The following ADAMTSL1 variants were observed in gnomAD, a reference collection of about 807,000 sequenced individuals.
ADAMTSL1 encodes ADAMTS-like protein 1.
ADAMTSL1 carries 126 observed loss-of-function variants against 201.8 expected under a neutral mutation model. The ratio of observed to expected loss-of-function variants is 0.62; its 90% CI spans 0.54 to 0.72. ADAMTSL1 has a LOEUF of 0.72. Ranked by LOEUF, ADAMTSL1 falls within the 30% of genes least tolerant of loss-of-function variation. The pLI, the probability that ADAMTSL1 is intolerant of heterozygous loss-of-function variation, is 0.00. For missense variants in ADAMTSL1, 2,679 were observed against 2,277.8 expected (o/e 1.18, Z -3.59); for synonymous variants, 1,121 against 903.4 (o/e 1.24, Z -4.32).
At chr9:17,942,179 A>T (rs1281763650) in intron 1 of ADAMTSL1, among the ~76,000 whole-genome samples, 1 of 152,132 alleles carries the variant, frequency 6.6e-6, no homozygotes, top group East Asian at 1.9e-4. Flanking sequence ...TTTGTTGGGT[A>T]CTGAGTGTCT....
At position 18,663,317 on chromosome 9, in the gene ADAMTSL1, T is replaced by C. The variant is rs557176364; in HGVS notation, c.1085+1244T>C. On this transcript the variant is annotated intron_variant, in intron 9 of 28. Coordinates refer to ENST00000380548, the MANE Select transcript of ADAMTSL1 (RefSeq NM_001040272.6). ...ATTAAAAGAACAAAAAGAATAGATA[T>C]TTTATAATTGTAAAATTTAGGTGAA... 2.2e-4 allele frequency among the ~76,000 whole-genome samples: 33 copies of C among 152,254 alleles called. No homozygotes were observed. The South Asian group carries it at 6.2e-3, about 29-fold the overall frequency.
intron 2 of ADAMTSL1, among the ~76,000 whole-genome samples, chr9:18,290,290 T>TTTC (rs998279966): frequency 6.6e-6 from 1 of 151,390 alleles, no homozygotes; most frequent in Non-Finnish European, 1.5e-5. Flanking sequence ...GATTTTTTTT[T>TTTC]TTTTCTAGTG....
chr9:17,938,621 G>A (rs1827107780), intron 1 of ADAMTSL1, among the ~76,000 whole-genome samples: 2 of 152,150 alleles, frequency 1.3e-5, no homozygotes, highest in Admixed American at 1.3e-4. Flanking sequence ...ACTGCAGAAA[G>A]TTGTCAGCTG....
At chr9:17,985,839 G>A (rs1818907361) in intron 1 of ADAMTSL1, among the ~76,000 whole-genome samples, 1 of 152,076 alleles carries the variant, frequency 6.6e-6, no homozygotes, top group South Asian at 2.1e-4. Context: ...AGTATGAATT[G>A]TAGGCACAAA....
intron 23 of ADAMTSL1, among the ~76,000 whole-genome samples, chr9:18,874,802 C>T (rs1245792361): frequency 6.6e-6 from 1 of 151,834 alleles, no homozygotes; most frequent in African/African-American, 2.4e-5. Flanking sequence ...GGGAGGACTC[C>T]CTCTTCTCTT....
intron 26 of ADAMTSL1, 25 bp downstream of exon 26, chr9:18,892,621 T>A (rs184908418): frequency 6.5e-7 from 1 of 1,548,770 alleles, no homozygotes; most frequent in Non-Finnish European, 8.7e-7. Flanking sequence ...AGGTTGTTAT[T>A]TGAAAGCTAA....
intron 2 of ADAMTSL1, among the ~76,000 whole-genome samples, chr9:18,187,998 A>G (rs761614396): frequency 7.2e-5 from 11 of 152,244 alleles, no homozygotes; most frequent in Admixed American, 3.3e-4. Flanking sequence ...GGTACTGTAG[A>G]GTGTGAAAAA....
intron 1 of ADAMTSL1, among the ~76,000 whole-genome samples, chr9:18,037,381 G>A (rs1393085360): frequency 6.6e-6 from 1 of 152,114 alleles, no homozygotes; most frequent in East Asian, 1.9e-4. Context: ...GGACTACTTA[G>A]TACTTTAGAG....
At chr9:18,534,790 G>T (rs1193260878) in intron 3 of ADAMTSL1, among the ~76,000 whole-genome samples, 1 of 152,206 alleles carries the variant, frequency 6.6e-6, no homozygotes, top group Non-Finnish European at 1.5e-5. Context: ...CTTGGGGCTT[G>T]CACCCCCTAA....
intron 1 of ADAMTSL1, among the ~76,000 whole-genome samples, chr9:18,158,570 T>C (rs1216491155): frequency 6.6e-6 from 1 of 152,054 alleles, no homozygotes; most frequent in African/African-American, 2.4e-5. Context: ...CCCTTGTTTA[T>C]CACAAGTGAA....
intron 3 of ADAMTSL1, among the ~76,000 whole-genome samples, chr9:18,558,467 C>T (rs551778091): frequency 6.6e-6 from 1 of 152,308 alleles, no homozygotes; most frequent in East Asian, 1.9e-4. Context: ...CTGGAATAAA[C>T]ATATGTGTGC....
At chr9:18,006,546 G>A (rs1381455668) in intron 1 of ADAMTSL1, among the ~76,000 whole-genome samples, 1 of 151,922 alleles carries the variant, frequency 6.6e-6, no homozygotes, top group Non-Finnish European at 1.5e-5. Context: ...ATAAATTGAT[G>A]AATAAAATAA....
chr9:18,086,427 A>T (rs1823773343), intron 1 of ADAMTSL1, among the ~76,000 whole-genome samples: 1 of 152,134 alleles, frequency 6.6e-6, no homozygotes, highest in Admixed American at 6.5e-5. Flanking sequence ...AGCAAAATAA[A>T]CAGCCAAAAT....
chr9:18,767,463 T>C (rs1482071645), intron 16 of ADAMTSL1, among the ~76,000 whole-genome samples: 1 of 152,172 alleles, frequency 6.6e-6, no homozygotes, highest in East Asian at 1.9e-4. Flanking sequence ...CTGATCTGAT[T>C]ATAGTATAAC....
Position 18,622,250 on chromosome 9 carries a change from G to A in ADAMTSL1, c.482G>A (p.Gly161Asp), listed in dbSNP as rs1388774568. 6.2e-7 allele frequency: 1 copy of A among 1,613,716 alleles called. No individual in the cohort carries two copies. Among genetic ancestry groups the A allele is most frequent in the South Asian group, 1.1e-5 (1 of 91,048 alleles). The change falls in exon 5 of 29, where the codon GGC becomes GAC. Residue 161 changes from glycine to aspartate, a missense_variant. Gly to Asp is a moderately conservative substitution (Grantham distance 94). Transcript: ENST00000380548. ...MCISGLCQIV[G>D]CDHQLGSTVK... ...ATCTCTCTTTCTTGTTAGATTGTTG[G>A]CTGCGATCACCAGCTGGGAAGCACC...
chr9:18,206,481 T>C (rs72684909), intron 2 of ADAMTSL1, among the ~76,000 whole-genome samples: 4,967 of 152,252 alleles, frequency 0.033, 122 homozygotes, highest in Non-Finnish European at 0.053. Flanking sequence ...ATTGACTTCA[T>C]TGAGTTCTCA....
chr9:18,767,014 A>G, intron 16 of ADAMTSL1, among the ~76,000 whole-genome samples: 1 of 152,152 alleles, frequency 6.6e-6, no homozygotes, highest in East Asian at 1.9e-4. Flanking sequence ...CTTGGATGTC[A>G]GGGGAAGGGT....
intron 2 of ADAMTSL1, among the ~76,000 whole-genome samples, chr9:18,216,603 A>G (rs932465512): frequency 6.6e-6 from 1 of 151,332 alleles, no homozygotes; most frequent in Admixed American, 6.6e-5. Flanking sequence ...CAGCCCTTAC[A>G]TAACAGATTT....
rs184001381 is a variant in ADAMTSL1, at chr9:18,023,241, C to T, written c.87+116319C>T. Among the ~76,000 whole-genome samples, 601 of 152,168 alleles carry T rather than the reference C, an allele frequency of 3.9e-3. 4 individuals are homozygous for T. The highest frequency in any genetic ancestry group is 0.014 in the African/African-American group (568 of 41,542). The stretch of plus-strand genomic sequence containing the variant: ...ATCACCTGAAGGGCTTCTTAAAACA[C>T]AGATTGCTGGGTCCCTCTCCCAAAG... On this transcript the variant is annotated intron_variant, in intron 1 of 29. Transcript: ENST00000680146.
Sources: allele counts gnomAD v4.1 joint callset (sites outside exome capture counted in the v4.1 genomes callset), GRCh38; gene constraint gnomAD v4.1.1; transcripts MANE v1.5; gene names NCBI Gene and HGNC (gene_info 2026-07-23, HGNC 2026-07-21).